RAP1GAP2: variants seen among roughly 807,000 people sequenced by gnomAD.
The protein encoded by RAP1GAP2 is rap1 GTPase-activating protein 2.
In RAP1GAP2, 27 loss-of-function variants were observed where a neutral mutation model predicts 95.0. The observed-to-expected ratio is 0.28, with a 90% confidence interval of 0.21 to 0.39. The LOEUF (loss-of-function observed/expected upper bound fraction) is 0.39, where lower values mean the gene tolerates loss of function less well. Ranked by LOEUF, RAP1GAP2 falls within the 10% of genes least tolerant of loss-of-function variation. The probability of loss-of-function intolerance (pLI) is 1.00; values close to 1 mark genes in which losing one functional copy is unlikely to be tolerated. For synonymous variants in RAP1GAP2, 373 were observed against 380.9 expected (o/e 0.98, Z 0.24); for missense variants, 771 against 970.0 (o/e 0.79, Z 2.72).
At chr17:2,950,061 C>CTCT in intron 3 of RAP1GAP2, among the ~76,000 whole-genome samples, 1 of 141,296 alleles carries the variant, frequency 7.1e-6, no homozygotes, top group East Asian at 2.1e-4. Flanking sequence ...TCTTCTTCTT[C>CTCT]TTTTTTTTTT....
intron 1 of RAP1GAP2, among the ~76,000 whole-genome samples, chr17:2,785,683 T>C (rs889987647): frequency 6.6e-6 from 1 of 152,146 alleles, no homozygotes; most frequent in South Asian, 2.1e-4. Context: ...AGAATTTCTT[T>C]TTCGGGAAGC....
chr17:2,845,771 G>C (rs1177299010), intron 2 of RAP1GAP2, among the ~76,000 whole-genome samples: 6 of 152,110 alleles, frequency 3.9e-5, no homozygotes, highest in African/African-American at 1.2e-4. Flanking sequence ...TGAGGCAGGA[G>C]AATCGCTTGA....
chr17:3,023,307 C>T (rs2047012454), intron 19 of RAP1GAP2, among the ~76,000 whole-genome samples: 1 of 152,194 alleles, frequency 6.6e-6, no homozygotes, highest in Admixed American at 6.5e-5. Context: ...ATTTCAGCAG[C>T]CAGCATTTCT....
intron 23 of RAP1GAP2, among the ~76,000 whole-genome samples, chr17:3,031,936 C>T (rs1284344503): frequency 6.8e-6 from 1 of 147,940 alleles, no homozygotes; most frequent in Non-Finnish European, 1.5e-5. Flanking sequence ...ATCGAGAGCT[C>T]CAGGTCCAGA....
chr17:2,895,959 G>A (rs1451945834), intron 2 of RAP1GAP2, among the ~76,000 whole-genome samples: 2 of 151,900 alleles, frequency 1.3e-5, no homozygotes, highest in African/African-American at 2.4e-5. Context: ...TGGTCTCTCC[G>A]TCATGCTGGT....
At chr17:2,775,259 G>A (rs2068473973), upstream of RAP1GAP2, among the ~76,000 whole-genome samples, 1 of 152,152 alleles carries the variant, frequency 6.6e-6, no homozygotes, top group South Asian at 2.1e-4. Context: ...TCTAGTGGGA[G>A]AGACAGACGA....
At chr17:2,919,574 C>T (rs192392191) in intron 3 of RAP1GAP2, among the ~76,000 whole-genome samples, 1 of 151,862 alleles carries the variant, frequency 6.6e-6, no homozygotes, top group African/African-American at 2.4e-5. Context: ...GCCTAAAAGC[C>T]ATGGGGGGCC....
intron 4 of RAP1GAP2, among the ~76,000 whole-genome samples, chr17:2,961,924 C>T (rs931413588): frequency 1.5e-4 from 20 of 133,074 alleles, no homozygotes; most frequent in South Asian, 4.8e-4. Flanking sequence ...TAATTTGAGA[C>T]GGAGTTTCGC....
intron 2 of RAP1GAP2, among the ~76,000 whole-genome samples, chr17:2,849,748 G>A (rs978319006): frequency 6.6e-6 from 1 of 152,160 alleles, no homozygotes; most frequent in African/African-American, 2.4e-5. Flanking sequence ...GGACGCCGTG[G>A]GGCATAAGTT....
chr17:2,759,353 T>C (rs2071203668), intron 1 of RAP1GAP2, among the ~76,000 whole-genome samples: 1 of 152,150 alleles, frequency 6.6e-6, no homozygotes, highest in Non-Finnish European at 1.5e-5. Flanking sequence ...CAATCACAGC[T>C]CACTGTAGCC....
intron 3 of RAP1GAP2, among the ~76,000 whole-genome samples, chr17:2,952,317 A>T (rs2043951410): frequency 6.6e-6 from 1 of 152,218 alleles, no homozygotes; most frequent in African/African-American, 2.4e-5. Context: ...CGTTTATTGT[A>T]TGAGTGTACC....
At chr17:2,790,909 G>A (rs562282858) in intron 1 of RAP1GAP2, among the ~76,000 whole-genome samples, 2 of 152,324 alleles carry the variant, frequency 1.3e-5, no homozygotes, top group East Asian at 1.9e-4. Context: ...TCAAAAGCCC[G>A]TAGAGGCCGG....
intron 2 of RAP1GAP2, among the ~76,000 whole-genome samples, chr17:2,862,966 C>T (rs1048888849): frequency 3.6e-5 from 5 of 140,304 alleles, no homozygotes; most frequent in Non-Finnish European, 6.0e-5. Flanking sequence ...CACTGAACTC[C>T]AGCCTGGGTG....
chr17:3,031,098 C>T, intron 23 of RAP1GAP2, 100 bp downstream of exon 23: 1 of 1,304,190 alleles, frequency 7.7e-7, no homozygotes, highest in South Asian at 1.3e-5. Flanking sequence ...CCAGAGGGGG[C>T]TCCCCGAAGG....
intron 17 of RAP1GAP2, among the ~76,000 whole-genome samples, chr17:3,012,691 G>A (rs1268351101): frequency 2.0e-5 from 3 of 151,222 alleles, no homozygotes; most frequent in African/African-American, 7.3e-5. Flanking sequence ...GGGTAAATAG[G>A]TAAGGCCTGA....
intron 2 of RAP1GAP2, among the ~76,000 whole-genome samples, chr17:2,805,826 AG>A (rs2151488712): frequency 6.6e-6 from 1 of 152,222 alleles, no homozygotes; most frequent in South Asian, 2.1e-4. Flanking sequence ...CGTCATGCAC[AG>A]GGGCTGGCTG....
At chr17:2,810,187 C>A (rs1251959871) in intron 2 of RAP1GAP2, among the ~76,000 whole-genome samples, 1 of 152,010 alleles carries the variant, frequency 6.6e-6, no homozygotes, top group African/African-American at 2.4e-5. Flanking sequence ...ACCTTGCGAG[C>A]TTTGTCTGGA....
At chr17:2,990,217 G>A (rs551356408) in intron 11 of RAP1GAP2, among the ~76,000 whole-genome samples, 1 of 152,302 alleles carries the variant, frequency 6.6e-6, no homozygotes, top group African/African-American at 2.4e-5. Context: ...TACATTTTCT[G>A]TGGACATGTT....
chr17:2,853,929 G>A (rs2072009231), intron 2 of RAP1GAP2: 3 of 981,674 alleles, frequency 3.1e-6, no homozygotes, highest in African/African-American at 1.8e-5. Context: ...GGCCGGGTGC[G>A]GAGCGCGCGG....
Sources: allele counts gnomAD v4.1 joint callset (sites outside exome capture counted in the v4.1 genomes callset), GRCh38; gene constraint gnomAD v4.1.1; transcripts MANE v1.5; gene names NCBI Gene and HGNC (gene_info 2026-07-23, HGNC 2026-07-21).